ARSB: variants seen among roughly 807,000 people sequenced by gnomAD.
ARSB encodes the protein arylsulfatase B.
ARSB carries 41 observed loss-of-function variants against 50.9 expected under a neutral mutation model. The observed-to-expected ratio is 0.81, with a 90% CI of 0.63 to 1.04. The LOEUF (loss-of-function observed/expected upper bound fraction) is 1.04. ARSB is among the 50% of genes least tolerant of loss of function. The pLI is 0.00. For missense variants in ARSB, 672 were observed against 693.3 expected (o/e 0.97, Z 0.35); for synonymous variants, 269 against 284.8 (o/e 0.94, Z 0.56).
Position 78,985,253 on chromosome 5 carries a change from G to A in ARSB, c.-5C>T, listed in dbSNP as rs1240175344. 1 of 1,305,852 alleles carries A rather than the reference G, an allele frequency of 7.7e-7. No homozygotes were observed. The highest frequency in any genetic ancestry group is 3.2e-5 in the East Asian group (1 of 31,622). 80.9% of individuals were successfully genotyped at this position (1,305,852 alleles called of 1,614,324 possible). On this transcript the variant is annotated 5_prime_UTR_variant, in exon 1 of 8. Coordinates refer to ENST00000264914, the MANE Select transcript of ARSB (RefSeq NM_000046.5). ...CGCCGCGCCGCGCGGACCCATCCTTGTCCGCCCGCGGTCCCAGCGCCTGTG... is the reference window on the plus strand; with the variant it reads ...CGCCGCGCCGCGCGGACCCATCCTTATCCGCCCGCGGTCCCAGCGCCTGTG...
chr5:78,931,158 C>T (rs995432521), intron 4 of ARSB, among the ~76,000 whole-genome samples: 1 of 152,154 alleles, frequency 6.6e-6, no homozygotes, highest in South Asian at 2.1e-4. Flanking sequence ...GTTACCACTG[C>T]CCTCAAGGAG....
intron 4 of ARSB, among the ~76,000 whole-genome samples, chr5:78,887,215 A>G (rs1748077589): frequency 6.8e-6 from 1 of 147,574 alleles, no homozygotes. Flanking sequence ...CACTGGCATC[A>G]GTTGCTGGTG....
chr5:78,948,910 T>G (rs1751372380), intron 4 of ARSB, among the ~76,000 whole-genome samples: 1 of 152,176 alleles, frequency 6.6e-6, no homozygotes, highest in South Asian at 2.1e-4. Context: ...AAATGGAGAT[T>G]TTTGGGCCTC....
At chr5:78,936,217 C>T (rs1300037230) in intron 4 of ARSB, among the ~76,000 whole-genome samples, 2 of 148,772 alleles carry the variant, frequency 1.3e-5, no homozygotes, top group Non-Finnish European at 3.0e-5. Flanking sequence ...CTCCGCCTCC[C>T]GGGTTCAAGC....
chr5:78,869,733 C>T (rs1160949088), intron 5 of ARSB, among the ~76,000 whole-genome samples: 3 of 147,870 alleles, frequency 2.0e-5, no homozygotes, highest in East Asian at 2.0e-4. Flanking sequence ...AATTGACACC[C>T]TAACATCACA....
At chr5:78,837,028 A>G (rs923111475) in intron 6 of ARSB, among the ~76,000 whole-genome samples, 1 of 152,150 alleles carries the variant, frequency 6.6e-6, no homozygotes, top group African/African-American at 2.4e-5. Context: ...CATGCCTATG[A>G]TCCAGTCACC....
chr5:78,793,188 G>A (rs953675884), intron 6 of ARSB, among the ~76,000 whole-genome samples: 4 of 152,182 alleles, frequency 2.6e-5, no homozygotes, highest in Admixed American at 6.5e-5. Context: ...TATTGCCCTA[G>A]GACAGTCCCA....
chr5:78,851,966 G>A (rs553951750), intron 5 of ARSB, among the ~76,000 whole-genome samples: 147 of 152,250 alleles, frequency 9.7e-4, no homozygotes, highest in African/African-American at 3.4e-3. Context: ...CTGCACATGA[G>A]ATGGGTTTCC....
intron 4 of ARSB, among the ~76,000 whole-genome samples, chr5:78,899,999 C>G (rs1748728048): frequency 6.6e-6 from 1 of 152,058 alleles, no homozygotes. Flanking sequence ...ATTGCTGCCT[C>G]CTTTTCGGCT....
chr5:78,904,170 C>T (rs1315975027), intron 4 of ARSB, among the ~76,000 whole-genome samples: 1 of 152,188 alleles, frequency 6.6e-6, no homozygotes, highest in Non-Finnish European at 1.5e-5. Flanking sequence ...ATGTGTGTAT[C>T]AACAGTTCAT....
chr5:78,838,844 G>T (rs1433949232), intron 6 of ARSB, among the ~76,000 whole-genome samples: 2 of 142,448 alleles, frequency 1.4e-5, no homozygotes, highest in African/African-American at 4.8e-5. Context: ...GCAGAATCAA[G>T]CGGAATCACT....
chr5:78,944,499 C>G (rs1751113740), intron 4 of ARSB, among the ~76,000 whole-genome samples: 1 of 152,226 alleles, frequency 6.6e-6, no homozygotes, highest in African/African-American at 2.4e-5. Flanking sequence ...TTCTAACAGT[C>G]AGGACCGTCA....
chr5:78,935,256 A>G (rs1452024388), intron 4 of ARSB, among the ~76,000 whole-genome samples: 1 of 152,238 alleles, frequency 6.6e-6, no homozygotes, highest in Non-Finnish European at 1.5e-5. Context: ...TCAGTAATCA[A>G]AATCAAAGAC....
chr5:78,977,742 T>C (rs151097248), intron 1 of ARSB, among the ~76,000 whole-genome samples: 13 of 149,322 alleles, frequency 8.7e-5, no homozygotes, highest in Non-Finnish European at 1.3e-4. Flanking sequence ...ATAAAAGGTA[T>C]CTAGATTAGA....
chr5:78,973,529 T>C (rs1752544918), intron 1 of ARSB, among the ~76,000 whole-genome samples: 1 of 152,208 alleles, frequency 6.6e-6, no homozygotes, highest in African/African-American at 2.4e-5. Flanking sequence ...TATTCTGTCT[T>C]CTGCACACCT....
At chr5:78,803,130 C>G (rs1051800019) in intron 6 of ARSB, among the ~76,000 whole-genome samples, 2 of 152,378 alleles carry the variant, frequency 1.3e-5, no homozygotes, top group Non-Finnish European at 1.5e-5. Context: ...CTTCTTCAGA[C>G]AGATGAAGAG....
chr5:78,912,605 G>C (rs1052139443), intron 4 of ARSB, among the ~76,000 whole-genome samples: 1 of 152,164 alleles, frequency 6.6e-6, no homozygotes, highest in Non-Finnish European at 1.5e-5. Flanking sequence ...GTTTACCAAT[G>C]CAGCAGGTGG....
intron 5 of ARSB, among the ~76,000 whole-genome samples, chr5:78,841,999 C>G (rs1358748404): frequency 6.6e-6 from 1 of 152,034 alleles, no homozygotes; most frequent in Non-Finnish European, 1.5e-5. Context: ...GACCAAACAC[C>G]ATTAGGGACT....
At chr5:78,887,126 T>C (rs748229138) in intron 4 of ARSB, among the ~76,000 whole-genome samples, 6 of 152,214 alleles carry the variant, frequency 3.9e-5, no homozygotes, top group Non-Finnish European at 7.4e-5. Context: ...TATAACAGAA[T>C]ACTGAGACTA....
Sources: gnomAD v4.1 joint callset for allele counts (sites outside exome capture counted in the v4.1 genomes callset) on GRCh38, gnomAD v4.1.1 for gene constraint, MANE v1.5 for transcripts, NCBI Gene and HGNC (gene_info 2026-07-23, HGNC 2026-07-21) for gene names.